Variants in PPP2R3A observed in about 807,000 individuals in gnomAD.
PPP2R3A encodes the protein protein phosphatase 2 regulatory subunit B''alpha.
In PPP2R3A, 80 loss-of-function variants were observed where a neutral mutation model predicts 106.9. The observed-to-expected ratio is 0.75, with a 90% CI of 0.62 to 0.90. PPP2R3A has a LOEUF of 0.90. Among genes scored for constraint, PPP2R3A ranks in the 40% least tolerant of loss-of-function variants. PPP2R3A has a pLI of 0.00. For synonymous variants in PPP2R3A, 483 were observed against 468.3 expected (o/e 1.03, Z -0.41); for missense variants, 1,386 against 1,350.4 (o/e 1.03, Z -0.41).
intron 13 of PPP2R3A, among the ~76,000 whole-genome samples, chr3:136,110,577 A>C (rs749943108): frequency 3.9e-5 from 6 of 152,200 alleles, no homozygotes; most frequent in Non-Finnish European, 8.8e-5. Context: ...AGGAATCAGC[A>C]ATTTTTTTCT....
chr3:135,995,983 A>G (rs1351444272), intron 1 of PPP2R3A, among the ~76,000 whole-genome samples: 2 of 152,136 alleles, frequency 1.3e-5, no homozygotes, highest in South Asian at 2.1e-4. Context: ...GTGTTCTGCT[A>G]TGATCTTTGG....
At chr3:136,013,157 G>GGT (rs773969022) in intron 2 of PPP2R3A, among the ~76,000 whole-genome samples, 5,209 of 139,584 alleles carry the variant, frequency 0.037, 145 homozygotes, top group Middle Eastern at 0.046. Context: ...AGTATTCCAT[G>GGT]GTGTGTGTGT....
chr3:136,061,485 G>A (rs560253220), intron 5 of PPP2R3A, among the ~76,000 whole-genome samples: 126 of 152,138 alleles, frequency 8.3e-4, no homozygotes, highest in South Asian at 6.2e-3. Context: ...AAAATTAGCC[G>A]GGTGTGGTGG....
chr3:136,145,209 TTTC>T lies in PPP2R3A; in HGVS notation c.*46_*48del. 1 of 1,573,534 alleles carries T rather than the reference TTTC, an allele frequency of 6.4e-7. No individual in the cohort carries two copies. Among genetic ancestry groups the T allele is most frequent in the Non-Finnish European group, 8.6e-7 (1 of 1,162,974 alleles). ...GAAACGAAGATGTGTATTTTAAATG[TTTC>T]TTTCTTGTGAAGAGATGTTCTCGTT... On this transcript the variant is annotated 3_prime_UTR_variant, in exon 14 of 14. Transcript: ENST00000264977.
intron 3 of PPP2R3A, among the ~76,000 whole-genome samples, chr3:136,028,188 TG>T (rs1934736246): frequency 3.3e-5 from 5 of 152,220 alleles, no homozygotes; most frequent in Admixed American, 2.6e-4. Flanking sequence ...TCCACTTTGT[TG>T]AAGACCTAGC....
intron 6 of PPP2R3A, among the ~76,000 whole-genome samples, chr3:136,073,101 G>A (rs1024161910): frequency 6.6e-6 from 1 of 152,054 alleles, no homozygotes; most frequent in Non-Finnish European, 1.5e-5. Context: ...CCAAGTAGCT[G>A]GGACTACAGG....
At chr3:135,977,412 A>G (rs1937446772) in intron 1 of PPP2R3A, among the ~76,000 whole-genome samples, 1 of 152,216 alleles carries the variant, frequency 6.6e-6, no homozygotes, top group Non-Finnish European at 1.5e-5. Context: ...TGATGCAAAC[A>G]TACAGTCGTT....
At chr3:136,041,238 G>GTTTTTTTTTTTTTTGT (rs67116006) in intron 4 of PPP2R3A, among the ~76,000 whole-genome samples, 3 of 92,936 alleles carry the variant, frequency 3.2e-5, no homozygotes, top group African/African-American at 1.4e-4. Context: ...GGTTTTTCTT[G>GTTTTTTTTTTTTTTGT]TTTTTTTTTT....
At chr3:136,110,958 A>G (rs952894723) in intron 13 of PPP2R3A, among the ~76,000 whole-genome samples, 1 of 152,188 alleles carries the variant, frequency 6.6e-6, no homozygotes, top group African/African-American at 2.4e-5. Flanking sequence ...AAATTATTCA[A>G]GTACTGCAAA....
intron 10 of PPP2R3A, among the ~76,000 whole-genome samples, chr3:136,099,437 TC>T (rs1937302072): frequency 6.6e-6 from 1 of 151,992 alleles, no homozygotes; most frequent in Non-Finnish European, 1.5e-5. Flanking sequence ...GTGATTAATA[TC>T]CTCAGAGAGA....
chr3:136,064,341 A>G (rs1277516563), intron 5 of PPP2R3A, among the ~76,000 whole-genome samples: 1 of 151,760 alleles, frequency 6.6e-6, no homozygotes, highest in Non-Finnish European at 1.5e-5. Flanking sequence ...TGGGTGCAGC[A>G]CACCAGCATG....
chr3:136,022,492 A>G (rs1934499727), intron 2 of PPP2R3A, among the ~76,000 whole-genome samples: 1 of 152,086 alleles, frequency 6.6e-6, no homozygotes, highest in Non-Finnish European at 1.5e-5. Flanking sequence ...AAAATAAAAA[A>G]CTATTCTTAA....
Position 136,002,802 on chromosome 3 carries a change from A to G in PPP2R3A, c.1304A>G (p.Asn435Ser), listed in dbSNP as rs758679751. The G allele has an allele frequency of 8.1e-6, 13 of 1,613,746 alleles. No homozygotes were observed. Among genetic ancestry groups the G allele is most frequent in the African/African-American group, 5.3e-5 (4 of 74,910 alleles). Residue 435 changes from asparagine (N) to serine (S), a missense_variant, in exon 2 of 14, where the codon AAT (asparagine) becomes AGT (serine). Coordinates refer to ENST00000264977, the MANE Select transcript of PPP2R3A (RefSeq NM_002718.5). Reference sequence around the variant, plus strand: ...TTAGATAAAGGACAAAAGACAGAGAATGGACCTAGTCATGAGTTATTAAAG... The same window carrying G: ...TTAGATAAAGGACAAAAGACAGAGAGTGGACCTAGTCATGAGTTATTAAAG... ...KALDKGQKTE[N>S]GPSHELLKVN...
At chr3:136,076,263 C>G (rs752690486) in intron 6 of PPP2R3A, among the ~76,000 whole-genome samples, 30 of 152,204 alleles carry the variant, frequency 2.0e-4, no homozygotes, top group Non-Finnish European at 4.4e-4. Flanking sequence ...AAACACAGAA[C>G]AAGTCAGCTT....
rs564789248 is a variant in PPP2R3A, at chr3:136,046,519, G to A, written c.2367-2740G>A. 1.5e-3 allele frequency among the ~76,000 whole-genome samples: 220 copies of A among 150,662 alleles called. 3 individuals carry two copies. Among genetic ancestry groups the A allele is most frequent in the Non-Finnish European group, 2.2e-4 (15 of 67,820 alleles). On this transcript the variant is annotated intron_variant, in intron 4 of 13. Coordinates refer to ENST00000264977, the MANE Select transcript of PPP2R3A (RefSeq NM_002718.5). ...AGCCTTGGCCCTCTGAAAGCATGCAGAAATAAAGCCAATTGGCTATACTCA... is the reference window on the plus strand; with the variant it reads ...AGCCTTGGCCCTCTGAAAGCATGCAAAAATAAAGCCAATTGGCTATACTCA...
chr3:136,119,531 A>G (rs966949798), intron 13 of PPP2R3A, among the ~76,000 whole-genome samples: 2 of 152,216 alleles, frequency 1.3e-5, no homozygotes, highest in African/African-American at 2.4e-5. Flanking sequence ...AAGCAACCTC[A>G]TCAAAAAGCG....
chr3:136,069,579 A>G (rs78194377), intron 5 of PPP2R3A, among the ~76,000 whole-genome samples: 5,405 of 152,314 alleles, frequency 0.035, 185 homozygotes, highest in Admixed American at 0.1. Context: ...CTCTGTCTCA[A>G]AAAATAAAAA....
At chr3:135,969,681 C>T (rs1170720798) in intron 1 of PPP2R3A, among the ~76,000 whole-genome samples, 1 of 152,210 alleles carries the variant, frequency 6.6e-6, no homozygotes, top group Non-Finnish European at 1.5e-5. Context: ...CAGTAGCCTA[C>T]AGCTGAATCT....
chr3:136,076,287 A>G (rs767537250), intron 6 of PPP2R3A, among the ~76,000 whole-genome samples: 113 of 151,104 alleles, frequency 7.5e-4, no homozygotes, highest in Admixed American at 1.1e-3. Flanking sequence ...CTTCCGCCCA[A>G]TAGCCACTCA....
Sources: allele counts gnomAD v4.1 joint callset (sites outside exome capture counted in the v4.1 genomes callset), GRCh38; gene constraint gnomAD v4.1.1; transcripts MANE v1.5; gene names NCBI Gene and HGNC (gene_info 2026-07-23, HGNC 2026-07-21).